The following DAAM1 variants were observed in gnomAD, a reference collection of about 807,000 sequenced individuals.
DAAM1 encodes the protein dishevelled associated activator of morphogenesis 1, also known as disheveled-associated activator of morphogenesis 1.
In DAAM1, 52 loss-of-function variants were observed where a neutral mutation model predicts 130.0. That is an observed-to-expected ratio of 0.40 (90% CI 0.32 to 0.50). The LOEUF (loss-of-function observed/expected upper bound fraction) is 0.50. Ranked by LOEUF, DAAM1 falls within the 20% of genes least tolerant of loss-of-function variation. DAAM1 has a pLI of 0.61. For missense variants in DAAM1, 1,134 were observed against 1,303.8 expected (o/e 0.87, Z 2.01); for synonymous variants, 452 against 444.5 (o/e 1.02, Z -0.21).
Position 59,367,440 on chromosome 14 carries a change from A to G in DAAM1, c.2838A>G (p.Ala946=). The stretch of plus-strand genomic sequence containing the variant: ...CATCTTTTTCCTAGTTTACTAAAGC[A>G]GTGAAGCACTTTGGGGAAGAGGCTG... ...LAEAKDLFTK[A]VKHFGEEAGK... is the part of the protein sequence containing the mutation. The change falls in exon 24 of 25, where the codon GCA becomes GCG. Residue 946 remains alanine, a synonymous_variant. Transcript: ENST00000360909. 1 of 1,608,290 alleles carries G rather than the reference A, an allele frequency of 6.2e-7. No individual in the cohort carries two copies. The highest frequency in any genetic ancestry group is 8.5e-7 in the Non-Finnish European group (1 of 1,176,442).
At position 59,313,829 on chromosome 14, in the gene DAAM1, C is replaced by A. The variant is rs1389861603; in HGVS notation, c.274-1451C>A. Among the ~76,000 whole-genome samples the A allele has an allele frequency of 3.3e-5, 5 of 152,160 alleles. No homozygotes were observed. In the East Asian group the frequency reaches 9.6e-4, roughly 29 times the overall value. Reference sequence around the variant, plus strand: ...CTGTTTTTAAAAACTCATCAGATTTCCTAAACGTTGTGAAACTATGGGAGT... The same window carrying A: ...CTGTTTTTAAAAACTCATCAGATTTACTAAACGTTGTGAAACTATGGGAGT... On this transcript the variant is annotated intron_variant, in intron 3 of 24. Coordinates refer to ENST00000360909, the MANE Select transcript of DAAM1 (RefSeq NM_001270520.2).
intron 15 of DAAM1, among the ~76,000 whole-genome samples, chr14:59,333,949 TTAAG>T (rs1231249078): frequency 6.6e-6 from 1 of 152,190 alleles, no homozygotes; most frequent in African/African-American, 2.4e-5. Context: ...CCAACACTGT[TTAAG>T]TAATCAGTAT....
Position 59,354,256 on chromosome 14 carries a change from TTCA to T in DAAM1, c.2356+293_2356+295del, listed in dbSNP as rs1886392396. On this transcript the variant is annotated intron_variant, in intron 19 of 24. Coordinates refer to ENST00000360909, the MANE Select transcript of DAAM1 (RefSeq NM_001270520.2). ...TTTGTACTTTTAGTAGAGACGGGGT[TTCA>T]CCACGTTAGCCAGGATGGTCTCAAT... 3.9e-5 allele frequency among the ~76,000 whole-genome samples: 6 copies of T among 152,310 alleles called. No individual in the cohort carries two copies. In the South Asian group the frequency reaches 1.2e-3, roughly 32 times the overall value.
chr14:59,352,486 G>A (rs778961189), intron 17 of DAAM1, 40 bp from the exon 18 acceptor site: 4 of 1,499,338 alleles, frequency 2.7e-6, no homozygotes, highest in African/African-American at 1.4e-5. Context: ...ATGGATTTAA[G>A]TGATAAACCT....
Position 59,197,640 on chromosome 14 carries a change from T to C in DAAM1, c.-38+8872T>C, listed in dbSNP as rs137895672. On this transcript the variant is annotated intron_variant, in intron 1 of 24. Transcript: ENST00000360909. Reference sequence around the variant, plus strand: ...GGAAACTGCCTTGCCTATGATATTTTCTGCTAAGGGCTGGTTAAAATGTTT... The same window carrying C: ...GGAAACTGCCTTGCCTATGATATTTCCTGCTAAGGGCTGGTTAAAATGTTT... Among the ~76,000 whole-genome samples, 487 of 152,388 alleles carry C rather than the reference T, an allele frequency of 3.2e-3. 1 individual carries two copies. Among genetic ancestry groups the C allele is most frequent in the Non-Finnish European group, 5.9e-3 (404 of 68,040 alleles).
chr14:59,355,447 TTC>T (rs1886440291), intron 20 of DAAM1, 114 bp downstream of exon 20: 1 of 1,280,940 alleles, frequency 7.8e-7, no homozygotes, highest in Non-Finnish European at 1.1e-6. Context: ...CAGTTGGAAC[TTC>T]TCTTTCTCAC....
intron 3 of DAAM1, among the ~76,000 whole-genome samples, chr14:59,313,304 A>G (rs952276837): frequency 6.6e-5 from 10 of 152,232 alleles, no homozygotes; most frequent in African/African-American, 2.4e-4. Flanking sequence ...ACGTTAGTAC[A>G]TTTACAAGAA....
At position 59,231,297 on chromosome 14, in the gene DAAM1, T is replaced by A. The variant is rs555901924; in HGVS notation, c.-37-32144T>A. Among the ~76,000 whole-genome samples the A allele has an allele frequency of 6.6e-5, 10 of 152,268 alleles. No homozygotes were observed. The South Asian group carries it at 2.1e-3, about 32-fold the overall frequency. ...ACTAACATCTTATATTTCCCCACCT[T>A]TGATACAGATGTAAGCACAAGAAAT... On this transcript the variant is annotated intron_variant, in intron 1 of 24. Transcript: ENST00000360909.
chr14:59,269,421 T>C (rs1472452394), intron 2 of DAAM1, among the ~76,000 whole-genome samples: 1 of 152,184 alleles, frequency 6.6e-6, no homozygotes, highest in Non-Finnish European at 1.5e-5. Flanking sequence ...TACACAGGAG[T>C]GAGCCCCTTT....
At chr14:59,361,745 C>T (rs1005932408) in intron 22 of DAAM1, among the ~76,000 whole-genome samples, 2 of 152,048 alleles carry the variant, frequency 1.3e-5, no homozygotes, top group Non-Finnish European at 2.9e-5. Context: ...GGCAGAGTAG[C>T]GTCCCTGGTG....
chr14:59,312,802 G>T (rs1884645991), intron 3 of DAAM1, among the ~76,000 whole-genome samples: 1 of 152,176 alleles, frequency 6.6e-6, no homozygotes, highest in Non-Finnish European at 1.5e-5. Flanking sequence ...ACAAAAGTCA[G>T]TGTTCTTGAA....
Position 59,323,191 on chromosome 14 carries a change from A to G in DAAM1, c.740A>G (p.Tyr247Cys). The G allele has an allele frequency of 6.2e-7, 1 of 1,612,046 alleles. No homozygotes were observed. The highest frequency in any genetic ancestry group is 8.5e-7 in the Non-Finnish European group (1 of 1,178,632). ...AAGGTTCTGCAGGCCATGCTGCACT[A>G]CCAGAAGTATGCCAGCGAAAGGACC... The part of the protein sequence containing the change: ...HKKVLQAMLH[Y>C]QKYASERTRF... Residue 247 changes from tyrosine to cysteine, a missense_variant, in exon 6 of 25, where the codon TAC becomes TGC. By Grantham distance (194) the Tyr-to-Cys change is radical (BLOSUM62 -2). Coordinates refer to ENST00000360909, the MANE Select transcript of DAAM1 (RefSeq NM_001270520.2).
rs542628012 is a variant in DAAM1 at position 59,301,948 on chromosome 14, G to C, written c.273+10642G>C. 5.9e-5 allele frequency among the ~76,000 whole-genome samples: 9 copies of C among 152,244 alleles called. No individual in the cohort carries two copies. The East Asian group carries it at 1.7e-3, about 29-fold the overall frequency. ...CTTTGTGGATACCATCTCTCCTTGT[G>C]CTTTCTAATACATGTTGAGTATCCC... On this transcript the variant is annotated intron_variant, in intron 3 of 24. Transcript: ENST00000360909.
At chr14:59,259,673 T>C (rs1882076126) in intron 1 of DAAM1, among the ~76,000 whole-genome samples, 1 of 152,226 alleles carries the variant, frequency 6.6e-6, no homozygotes, top group South Asian at 2.1e-4. Flanking sequence ...TTAACAGTTA[T>C]ATTTTAATGA....
At chr14:59,222,449 G>A (rs1888804580) in intron 1 of DAAM1, among the ~76,000 whole-genome samples, 1 of 152,208 alleles carries the variant, frequency 6.6e-6, no homozygotes, top group African/African-American at 2.4e-5. Flanking sequence ...TGACCCTGGG[G>A]AATGGTGCCA....
intron 1 of DAAM1, among the ~76,000 whole-genome samples, chr14:59,249,254 A>G (rs1369966874): frequency 5.3e-5 from 8 of 152,126 alleles, no homozygotes; most frequent in Non-Finnish European, 1.0e-4. Context: ...CATCTTAGGT[A>G]TTTTCCCAAA....
chr14:59,317,123 A>T (rs1243299358), intron 4 of DAAM1, among the ~76,000 whole-genome samples: 1 of 152,192 alleles, frequency 6.6e-6, no homozygotes, highest in Admixed American at 6.5e-5. Flanking sequence ...TTTGGTTCCC[A>T]ATCCAAAATC....
Position 59,353,731 on chromosome 14 carries a change from CCATGAGAA to C in DAAM1, c.2268-142_2268-135del. On this transcript the variant is annotated intron_variant, in intron 18 of 24. Coordinates refer to ENST00000360909, the MANE Select transcript of DAAM1 (RefSeq NM_001270520.2). ...CTGGCTTAATGTCCTGTGTTCCTGTCCATGAGAACAACTAATGTATGTGTGTCGGGGGA... is the reference window on the plus strand; with the variant it reads ...CTGGCTTAATGTCCTGTGTTCCTGTCCAACTAATGTATGTGTGTCGGGGGA... 4 of 745,010 alleles carry C rather than the reference CCATGAGAA, an allele frequency of 5.4e-6. No homozygotes were observed. In the South Asian group the frequency reaches 7.3e-5, roughly 14 times the overall value. The allele number at this position is 745,010 out of a possible 1,614,324, so 46.1% of individuals were successfully genotyped here.
At position 59,188,727 on chromosome 14, in the gene DAAM1, C is replaced by T. The variant is rs1214145757; in HGVS notation, c.-79C>T. 6.5e-6 allele frequency: 1 copy of T among 152,876 alleles called. No homozygotes were observed. The highest frequency in any genetic ancestry group is 1.5e-5 in the Non-Finnish European group (1 of 68,234). The allele number at this position is 152,876 out of a possible 1,614,324, so 9.5% of individuals were successfully genotyped here. On this transcript the variant is annotated 5_prime_UTR_variant, in exon 1 of 25. Coordinates refer to ENST00000360909, the MANE Select transcript of DAAM1 (RefSeq NM_001270520.2). Reference sequence around the variant, plus strand: ...CTGTTTAACCGGATCCCATTGTACCCAGAGTGCAGAGCCGCCTTTCCAGCA... The same window carrying T: ...CTGTTTAACCGGATCCCATTGTACCTAGAGTGCAGAGCCGCCTTTCCAGCA...
Sources: gnomAD v4.1 joint callset for allele counts (sites outside exome capture counted in the v4.1 genomes callset) on GRCh38, gnomAD v4.1.1 for gene constraint, MANE v1.5 for transcripts, NCBI Gene and HGNC (gene_info 2026-07-23, HGNC 2026-07-21) for gene names.